The following PHLDB2 variants were observed in gnomAD, a reference collection of about 807,000 sequenced individuals.
PHLDB2 encodes the protein pleckstrin homology-like domain family B member 2.
PHLDB2 carries 71 observed loss-of-function variants against 123.6 expected under a neutral mutation model. The ratio of observed to expected loss-of-function variants is 0.57; its 90% CI spans 0.47 to 0.70. The LOEUF is 0.70. Ranked by LOEUF, PHLDB2 falls within the 30% of genes least tolerant of loss-of-function variation. The pLI is 0.00. For missense variants in PHLDB2, 1,446 were observed against 1,519.5 expected, an observed-to-expected ratio of 0.95 and a Z score of 0.80; for synonymous variants, 547 against 541.6, an observed-to-expected ratio of 1.01 and a Z score of -0.14.
At chr3:111,875,530 A>G (rs1335091460) in intron 1 of PHLDB2, among the ~76,000 whole-genome samples, 1 of 151,602 alleles carries the variant, frequency 6.6e-6, no homozygotes, top group East Asian at 1.9e-4. Context: ...ATCAACTTAA[A>G]ATGTTTAATT....
chr3:111,925,224 G>A (rs1367069900), intron 5 of PHLDB2, among the ~76,000 whole-genome samples: 2 of 152,142 alleles, frequency 1.3e-5, no homozygotes, highest in East Asian at 3.8e-4. Flanking sequence ...ATTTAGGAAT[G>A]CATTTTATTT....
At chr3:111,870,707 C>T (rs532654514) in intron 1 of PHLDB2, among the ~76,000 whole-genome samples, 29 of 152,236 alleles carry the variant, frequency 1.9e-4, no homozygotes, top group Middle Eastern at 3.4e-3. Flanking sequence ...AGAAATACCC[C>T]CACAGAATTC....
rs758059422 is a variant in PHLDB2, at chr3:111,885,329, T to C, written c.1252T>C (p.Ser418Pro). ...TCGGGAACGGAAAAGCAGTATTAGC[T>C]CCATTTCAGGACGTGATGACCTGAT... The part of the protein sequence containing the change: ...ALRERKSSIS[S>P]ISGRDDLMDY... Residue 418 changes from serine to proline, a missense_variant, in exon 2 of 18, where the codon TCC (serine) becomes CCC (proline). By Grantham distance (74) the Ser-to-Pro change is moderately conservative (BLOSUM62 -1). Transcript: ENST00000431670. The C allele has an allele frequency of 6.2e-7, 1 of 1,614,068 alleles. No homozygotes were observed. The highest frequency in any genetic ancestry group is 2.2e-5 in the East Asian group (1 of 44,860).
chr3:111,881,969 C>G (rs1325956148), intron 1 of PHLDB2, among the ~76,000 whole-genome samples: 2 of 151,824 alleles, frequency 1.3e-5, no homozygotes, highest in African/African-American at 4.8e-5. Flanking sequence ...CAGAAATATA[C>G]CTGTGTGTGT....
intron 1 of PHLDB2, among the ~76,000 whole-genome samples, chr3:111,763,970 T>A (rs1320044520): frequency 1.3e-5 from 2 of 152,198 alleles, no homozygotes; most frequent in South Asian, 2.1e-4. Flanking sequence ...CAAGCAGTTA[T>A]GGCTATGTTT....
At chr3:111,767,553 A>C (rs1378444655) in intron 1 of PHLDB2, among the ~76,000 whole-genome samples, 1 of 152,238 alleles carries the variant, frequency 6.6e-6, no homozygotes, top group Non-Finnish European at 1.5e-5. Context: ...TGGGAAGCAC[A>C]CACAAAAAAT....
Position 111,913,384 on chromosome 3 carries a change from A to T in PHLDB2, c.1401A>T (p.Leu467Phe). The change falls in exon 3 of 18, where the codon TTA becomes TTT. Residue 467 changes from leucine (L) to phenylalanine (F), a missense_variant. Leu to Phe is a conservative substitution (Grantham distance 22, BLOSUM62 0). This residue lies in a region of PHLDB2 where 832 missense variants were observed against 831.9 expected (regional missense o/e 1.00). Transcript: ENST00000431670. ...AATACACAAAGCCTGACAGTCGCTT[A>T]TCTACTGGGACCACCGTGGAAGATG... Reference protein sequence around the residue: ...CAEYTKPDSRLSTGTTVEDVQ... With the variant: ...CAEYTKPDSRFSTGTTVEDVQ... The T allele has an allele frequency of 6.2e-7, 1 of 1,613,996 alleles. No individual in the cohort carries two copies. The highest frequency in any genetic ancestry group is 8.5e-7 in the Non-Finnish European group (1 of 1,179,950).
intron 1 of PHLDB2, among the ~76,000 whole-genome samples, chr3:111,841,842 G>A (rs1019717574): frequency 3.9e-5 from 6 of 152,190 alleles, no homozygotes; most frequent in African/African-American, 7.2e-5. Context: ...TAGACCTAGA[G>A]CACTGTAGGA....
chr3:111,747,210 C>T (rs929732949), intron 1 of PHLDB2, among the ~76,000 whole-genome samples: 2 of 151,836 alleles, frequency 1.3e-5, no homozygotes, highest in African/African-American at 2.4e-5. Flanking sequence ...AGCAAGCTTC[C>T]ATAGCTATGT....
chr3:111,929,248 A>G (rs2068976729), intron 5 of PHLDB2, among the ~76,000 whole-genome samples: 1 of 152,248 alleles, frequency 6.6e-6, no homozygotes, highest in Non-Finnish European at 1.5e-5. Context: ...CCTGGATGAC[A>G]GAGTGAGACA....
chr3:111,962,446 G>T, intron 13 of PHLDB2, 134 bp downstream of exon 13: 1 of 699,132 alleles, frequency 1.4e-6, no homozygotes, highest in Non-Finnish European at 2.3e-6. Context: ...TAATGCAGAA[G>T]AGGGTTGGTA....
At chr3:111,739,562 T>G (rs1246705601) in intron 1 of PHLDB2, among the ~76,000 whole-genome samples, 1 of 127,732 alleles carries the variant, frequency 7.8e-6, no homozygotes, top group South Asian at 2.7e-4. Context: ...GATCCACACC[T>G]CTTCTGAAGT....
chr3:111,842,928 T>G (rs2063757702), intron 1 of PHLDB2, among the ~76,000 whole-genome samples: 1 of 152,272 alleles, frequency 6.6e-6, no homozygotes, highest in Non-Finnish European at 1.5e-5. Flanking sequence ...TGAAGCATTG[T>G]CAGTACTTTA....
At chr3:111,845,683 T>C in intron 1 of PHLDB2, 1 of 962,606 alleles carries the variant, frequency 1.0e-6, no homozygotes, top group East Asian at 2.5e-5. Flanking sequence ...AGGACGTCTG[T>C]TTTTCAACTT....
At chr3:111,947,454 C>A (rs567950542) in intron 9 of PHLDB2, among the ~76,000 whole-genome samples, 1 of 152,164 alleles carries the variant, frequency 6.6e-6, no homozygotes, top group African/African-American at 2.4e-5. Flanking sequence ...TTCTTCTGCT[C>A]TCTCTTTCAT....
intron 1 of PHLDB2, among the ~76,000 whole-genome samples, chr3:111,776,995 G>A (rs4682310): frequency 6.6e-6 from 1 of 152,008 alleles, no homozygotes; most frequent in Admixed American, 6.6e-5. Flanking sequence ...AGAAATAAAG[G>A]CCACCAATCA....
chr3:111,913,547 T>C lies in PHLDB2; in HGVS notation c.1564T>C (p.Cys522Arg). ...CCTCCCTGATGCAGACTTGGCAAGC[T>C]GTGGGAGTCTCAGTCAGAGCAGTGC... ...DSLPDADLASCGSLSQSSASF... is the reference protein window; with the variant it reads ...DSLPDADLASRGSLSQSSASF... The change falls in exon 3 of 18, where the codon TGT becomes CGT. Residue 522 changes from cysteine to arginine, a missense_variant. Transcript: ENST00000431670. 6.2e-7 allele frequency: 1 copy of C among 1,614,150 alleles called. No individual in the cohort carries two copies. The highest frequency in any genetic ancestry group is 1.3e-5 in the African/African-American group (1 of 75,046).
At chr3:111,935,093 A>ATTTTTTTT (rs34291565) in intron 6 of PHLDB2, among the ~76,000 whole-genome samples, 3 of 75,166 alleles carry the variant, frequency 4.0e-5, no homozygotes, top group Admixed American at 1.8e-4. Flanking sequence ...TGGTATCTTG[A>ATTTTTTTT]TTTTTTTTTT....
At position 111,901,139 on chromosome 3, in the gene PHLDB2, C is replaced by T. The variant is rs925236498; in HGVS notation, c.1336-12180C>T. ...ATTTGGGAGGCCGAGGCGGGCGAAT[C>T]ACGAGGTCAGGAGATTGAGACCATC... On this transcript the variant is annotated intron_variant, in intron 2 of 17. Transcript: ENST00000431670. 1.2e-4 allele frequency among the ~76,000 whole-genome samples: 19 copies of T among 152,202 alleles called. No individual in the cohort carries two copies. In the East Asian group the frequency reaches 3.7e-3, roughly 29 times the overall value.
Sources: gnomAD v4.1 joint callset for allele counts (sites outside exome capture counted in the v4.1 genomes callset) on GRCh38, gnomAD v4.1.1 for gene constraint, gnomAD v4.1.1 regional missense constraint, MANE v1.5 for transcripts, NCBI Gene and HGNC (gene_info 2026-07-23, HGNC 2026-07-21) for gene names.